Variants in STAG1 observed in about 807,000 individuals in gnomAD.
The protein encoded by STAG1 is STAG1 cohesin complex component.
A neutral mutation model predicts 170.9 loss-of-function variants in STAG1; 26 were observed. That is an observed-to-expected ratio of 0.15 (90% confidence interval 0.11 to 0.21). STAG1 has a LOEUF of 0.21. Ranked by LOEUF, STAG1 falls within the 10% of genes least tolerant of loss-of-function variation. The pLI, the probability that STAG1 is intolerant of heterozygous loss-of-function variation, is 1.00. For synonymous variants in STAG1, 514 were observed against 497.7 expected (o/e 1.03, Z -0.44); for missense variants, 964 against 1,509.5 (o/e 0.64, Z 5.99).
chr3:136,597,106 T>C (rs371761267), intron 4 of STAG1, among the ~76,000 whole-genome samples: 3 of 152,160 alleles, frequency 2.0e-5, no homozygotes, highest in Non-Finnish European at 4.4e-5. Flanking sequence ...AGTTTAAATA[T>C]ACCACAGTTT....
intron 7 of STAG1, chr3:136,518,340 A>C: frequency 2.9e-6 from 2 of 694,468 alleles, no homozygotes; most frequent in Non-Finnish European, 5.2e-6. Context: ...ACTGCCTTGT[A>C]ACTGTCCATG....
intron 4 of STAG1, among the ~76,000 whole-genome samples, chr3:136,593,953 C>T (rs1239048970): frequency 1.3e-5 from 2 of 152,050 alleles, no homozygotes; most frequent in African/African-American, 4.8e-5. Context: ...TATATGTGTC[C>T]TCTCATCTAA....
intron 6 of STAG1, among the ~76,000 whole-genome samples, chr3:136,540,022 A>C (rs1935811703): frequency 6.6e-6 from 1 of 152,124 alleles, no homozygotes; most frequent in Non-Finnish European, 1.5e-5. Flanking sequence ...GGTTCTTGTC[A>C]TCAGATCTTT....
chr3:136,466,063 C>A (rs1270990874), intron 12 of STAG1, among the ~76,000 whole-genome samples: 1 of 152,110 alleles, frequency 6.6e-6, no homozygotes, highest in Non-Finnish European at 1.5e-5. Flanking sequence ...AAAAACTGAG[C>A]AGAAAAGCTG....
At chr3:136,462,228 G>C (rs1604793) in intron 13 of STAG1, among the ~76,000 whole-genome samples, 25,170 of 152,040 alleles carry the variant, frequency 0.17, 2,757 homozygotes, top group Non-Finnish European at 0.24. Context: ...GCATATCAAA[G>C]AGATATCTGC....
chr3:136,455,336 T>A (rs2107782494), intron 13 of STAG1, among the ~76,000 whole-genome samples: 1 of 152,240 alleles, frequency 6.6e-6, no homozygotes, highest in East Asian at 1.9e-4. Flanking sequence ...AAACTATGAT[T>A]AGTAAGAGAA....
chr3:136,562,564 T>C (rs992329673), intron 5 of STAG1, among the ~76,000 whole-genome samples: 3 of 151,730 alleles, frequency 2.0e-5, no homozygotes, highest in African/African-American at 7.3e-5. Flanking sequence ...TACTCTACTT[T>C]AAGCTAGAAC....
intron 10 of STAG1, among the ~76,000 whole-genome samples, chr3:136,474,786 C>T (rs965742831): frequency 6.6e-6 from 1 of 152,210 alleles, no homozygotes; most frequent in South Asian, 2.1e-4. Context: ...GCTAATTCTT[C>T]AGTGTCTGCC....
intron 1 of STAG1, among the ~76,000 whole-genome samples, chr3:136,652,704 G>GA (rs1298401771): frequency 2.6e-5 from 4 of 152,080 alleles, no homozygotes; most frequent in Admixed American, 2.6e-4. Context: ...AAAGGTAACA[G>GA]AAAAAATCTG....
intron 1 of STAG1, among the ~76,000 whole-genome samples, chr3:136,687,042 G>C (rs1245320501): frequency 1.3e-5 from 2 of 152,168 alleles, no homozygotes; most frequent in South Asian, 2.1e-4. Flanking sequence ...TCTTGGTAAA[G>C]TATCTCTTTT....
chr3:136,422,969 G>A lies in STAG1; in HGVS notation c.1726C>T (p.Pro576Ser). The A allele has an allele frequency of 6.2e-7, 1 of 1,606,050 alleles. No individual in the cohort carries two copies. Reference protein sequence around the residue: ...KLTEHFIITLPMLLSKYSADA... With the variant: ...KLTEHFIITLSMLLSKYSADA... The stretch of plus-strand genomic sequence containing the variant: ...AACTGTACCTTTGACAGTAACATAG[G>A]AAGTGTAATAATAAAATGTTCAGTC... The change falls in exon 17 of 34, where the codon CCT (proline) becomes TCT (serine). Residue 576 changes from proline to serine, a missense_variant. Physicochemically the swap from Pro to Ser is moderately conservative, Grantham distance 74 (BLOSUM62 -1). Around this residue, in one of 11 missense-constraint regions of STAG1, gnomAD observed 232 missense variants for 313.0 expected, o/e 0.74. Transcript: ENST00000383202.
chr3:136,679,749 A>ATC (rs1942270772), intron 1 of STAG1, among the ~76,000 whole-genome samples: 1 of 142,466 alleles, frequency 7.0e-6, no homozygotes, highest in South Asian at 2.1e-4. Flanking sequence ...AAAAAAAAAA[A>ATC]AAATCAGCCG....
chr3:136,485,461 GA>G (rs760429773), intron 9 of STAG1, among the ~76,000 whole-genome samples: 4 of 149,990 alleles, frequency 2.7e-5, no homozygotes, highest in African/African-American at 4.9e-5. Flanking sequence ...TGTCTAAAAA[GA>G]AAAAAAAAGT....
rs1042126496 is a variant in STAG1, at chr3:136,417,769, A to G, written c.2196+116T>C. On this transcript the variant is annotated intron_variant, in intron 21 of 33. Coordinates refer to ENST00000383202, the MANE Select transcript of STAG1 (RefSeq NM_005862.3). ...ACTACAGCAATAATTCTCTCAAAAG[A>G]GGCAGCTGCCCTAATGAATCGTCAA... 14 of 721,460 alleles carry G rather than the reference A, an allele frequency of 1.9e-5. No individual in the cohort carries two copies. In the Admixed American group the frequency reaches 3.2e-4, roughly 17 times the overall value. 44.7% of individuals were successfully genotyped at this position (721,460 alleles called of 1,614,324 possible).
chr3:136,615,603 C>G (rs1939550678), intron 3 of STAG1, among the ~76,000 whole-genome samples: 1 of 151,032 alleles, frequency 6.6e-6, no homozygotes, highest in Non-Finnish European at 1.5e-5. Flanking sequence ...ACGGTGAAAC[C>G]CCATCTCTAC....
intron 1 of STAG1, among the ~76,000 whole-genome samples, chr3:136,735,010 T>G (rs1309165047): frequency 6.6e-6 from 1 of 152,130 alleles, no homozygotes; most frequent in Non-Finnish European, 1.5e-5. Context: ...GACACTAACC[T>G]AGGAACCAAA....
At chr3:136,722,637 TC>T (rs1288318283) in intron 1 of STAG1, among the ~76,000 whole-genome samples, 1 of 141,992 alleles carries the variant, frequency 7.0e-6, no homozygotes, top group Admixed American at 6.9e-5. Flanking sequence ...CCTCTCCCTC[TC>T]CCCCTCCCTC....
intron 12 of STAG1, among the ~76,000 whole-genome samples, chr3:136,468,174 G>A (rs892550212): frequency 1.4e-4 from 22 of 152,132 alleles, no homozygotes; most frequent in South Asian, 4.1e-4. Flanking sequence ...AACTGAAGGA[G>A]ATAGAGACAC....
chr3:136,616,406 A>C (rs1364997154), intron 3 of STAG1, among the ~76,000 whole-genome samples: 1 of 152,218 alleles, frequency 6.6e-6, no homozygotes, highest in African/African-American at 2.4e-5. Context: ...CTTTAACATA[A>C]TTAAGGAAGT....
Sources: allele counts gnomAD v4.1 joint callset (sites outside exome capture counted in the v4.1 genomes callset), GRCh38; gene constraint gnomAD v4.1.1; regional missense constraint gnomAD v4.1.1; transcripts MANE v1.5; gene names NCBI Gene and HGNC (gene_info 2026-07-23, HGNC 2026-07-21).